The following ELAVL3 variants were observed in gnomAD, a reference collection of about 807,000 sequenced individuals.
ELAVL3 encodes the protein ELAV-like protein 3.
Under a neutral mutation model 34.2 loss-of-function variants are expected in ELAVL3, and 8 were observed. The observed-to-expected ratio is 0.23, with a 90% confidence interval of 0.14 to 0.42. The LOEUF (loss-of-function observed/expected upper bound fraction) is 0.42. Among genes scored for constraint, ELAVL3 ranks in the 10% least tolerant of loss-of-function variants. ELAVL3 has a pLI of 1.00. For synonymous variants in ELAVL3, 209 were observed against 222.1 expected (o/e 0.94, Z 0.53); for missense variants, 273 against 518.8 (o/e 0.53, Z 4.60).
chr19:11,454,434 T>G lies in ELAVL3; in HGVS notation c.*92A>C. 2 of 1,252,236 alleles carry G rather than the reference T, an allele frequency of 1.6e-6. No homozygotes were observed. The highest frequency in any genetic ancestry group is 2.2e-6 in the Non-Finnish European group (2 of 927,742). 77.6% of individuals were successfully genotyped at this position (1,252,236 alleles called of 1,614,324 possible). On this transcript the variant is annotated 3_prime_UTR_variant, in exon 7 of 7. Coordinates refer to ENST00000359227, the MANE Select transcript of ELAVL3 (RefSeq NM_001420.4). This position sits in a 1 kb window ranked among gnomAD's most constrained non-coding sequence, Gnocchi z 9.2. The stretch of plus-strand genomic sequence containing the variant: ...GTCGTCCGTGGGGCTGCCTGTGCTG[T>G]CTCTCTTGGGCCCCTTCTCTCTCTC...
At position 11,480,793 on chromosome 19, in the gene ELAVL3, G is replaced by A; in HGVS notation, c.-185C>T. On this transcript the variant is annotated 5_prime_UTR_variant, in exon 1 of 7. Coordinates refer to ENST00000359227, the MANE Select transcript of ELAVL3 (RefSeq NM_001420.4). The surrounding 1 kb of genome is among the most constrained non-coding windows in gnomAD (Gnocchi z 6.8). Reference sequence around the variant, plus strand: ...GGGACGGGCCCGAACCCGGGGATGCGCGCGCGGATGGCCGGGCCCCGGGGT... The same window carrying A: ...GGGACGGGCCCGAACCCGGGGATGCACGCGCGGATGGCCGGGCCCCGGGGT... The A allele has an allele frequency of 2.2e-6, 1 of 463,328 alleles. No individual in the cohort carries two copies. The highest frequency in any genetic ancestry group is 3.5e-6 in the Non-Finnish European group (1 of 285,848). The allele number at this position is 463,328 out of a possible 1,614,324, so 28.7% of individuals were successfully genotyped here. A position where few individuals can be genotyped will look rare whatever the true frequency, so the allele number is the denominator to read the frequency against.
chr19:11,452,516 GTT>G lies in ELAVL3; in HGVS notation c.*2008_*2009del, dbSNP rs1970671040. ...TTTTTTTTTTAAATCTCTTCTGTGT[GTT>G]TTCTTTTTTTGTTGCTTTTTTTTCC... On this transcript the variant is annotated 3_prime_UTR_variant, in exon 7 of 7. Transcript: ENST00000359227. 7.1e-6 allele frequency: 1 copy of G among 139,974 alleles called. No individual in the cohort carries two copies. The highest frequency in any genetic ancestry group is 2.7e-5 in the African/African-American group (1 of 37,518). 8.7% of individuals were successfully genotyped at this position (139,974 alleles called of 1,614,324 possible).
chr19:11,477,691 A>ATTTTTT (rs963586249), intron 1 of ELAVL3, among the ~76,000 whole-genome samples: 2 of 120,176 alleles, frequency 1.7e-5, no homozygotes, highest in Non-Finnish European at 1.8e-5. Context: ...CTAGATCCCT[A>ATTTTTT]TTTTTTTTTT....
chr19:11,454,463 CT>C lies in ELAVL3; in HGVS notation c.*62del. 7.1e-7 allele frequency: 1 copy of C among 1,404,498 alleles called. No individual in the cohort carries two copies. The highest frequency in any genetic ancestry group is 9.5e-7 in the Non-Finnish European group (1 of 1,054,386). 87.0% of individuals were successfully genotyped at this position (1,404,498 alleles called of 1,614,324 possible). On this transcript the variant is annotated 3_prime_UTR_variant, in exon 7 of 7. Transcript: ENST00000359227. This position sits in a 1 kb window ranked among gnomAD's most constrained non-coding sequence, Gnocchi z 9.2. ...TCTTGGGCCCCTTCTCTCTCTCTCT[CT>C]CTCTTTCTCTCTCTCTCTCTCTGCT... is the stretch of plus-strand genomic sequence containing the variant.
In ELAVL3 at chr19:11,454,783, C is replaced by T. The variant is rs1970731290; in HGVS notation, c.847G>A (p.Gly283Ser). 3.7e-6 allele frequency: 6 copies of T among 1,612,798 alleles called. No individual in the cohort carries two copies. The highest frequency in any genetic ancestry group is 4.2e-6 in the Non-Finnish European group (5 of 1,179,798). Reference protein sequence around the residue: ...VGLSGGAAGAGWCIFVYNLSP... With the variant: ...VGLSGGAAGASWCIFVYNLSP... ...AGGTTGTACACGAAGATGCACCAGC[C>T]GGCGCCCGCCGCGCCCCCCGACAGG... is the stretch of plus-strand genomic sequence containing the variant. The change falls in exon 7 of 7, where the codon GGC becomes AGC. Residue 283 changes from glycine to serine, a missense_variant. Gly to Ser is a moderately conservative substitution (Grantham distance 56). This residue lies in a region of ELAVL3 where 79 missense variants were observed against 108.2 expected (regional missense o/e 0.73). Transcript: ENST00000359227. The surrounding 1 kb of genome is among the most constrained non-coding windows in gnomAD (Gnocchi z 9.2).
chr19:11,465,149 C>T (rs1213665873), intron 3 of ELAVL3, among the ~76,000 whole-genome samples: 2 of 124,976 alleles, frequency 1.6e-5, no homozygotes, highest in East Asian at 4.7e-4. Flanking sequence ...TACACATACA[C>T]ACCACACACA....
At chr19:11,469,289 G>A (rs1477767856) in intron 1 of ELAVL3, among the ~76,000 whole-genome samples, 1 of 150,732 alleles carries the variant, frequency 6.6e-6, no homozygotes, top group Non-Finnish European at 1.5e-5. Flanking sequence ...TTTTTTTTGC[G>A]CGGGAGGGGG....
intron 3 of ELAVL3, among the ~76,000 whole-genome samples, chr19:11,464,675 ACACACACACCCCC>A (rs1296142964): frequency 2.5e-4 from 20 of 80,688 alleles, no homozygotes; most frequent in African/African-American, 5.2e-4. Context: ...TACACACATC[ACACACACACCCCC>A]CACACACATA....
intron 3 of ELAVL3, among the ~76,000 whole-genome samples, chr19:11,465,403 CT>C (rs770089437): frequency 5.3e-5 from 8 of 151,950 alleles, no homozygotes; most frequent in Non-Finnish European, 1.0e-4. Context: ...CACATACACG[CT>C]GCATCTCAAT....
chr19:11,478,636 T>C (rs1444083933), intron 1 of ELAVL3, among the ~76,000 whole-genome samples: 3 of 152,214 alleles, frequency 2.0e-5, no homozygotes, highest in Non-Finnish European at 4.4e-5. Flanking sequence ...TTTCTTCCTC[T>C]GTTTCCCTCT....
Position 11,458,373 on chromosome 19 carries a change from A to G in ELAVL3, c.487+85T>C, listed in dbSNP as rs1970814111. 2 of 1,605,990 alleles carry G rather than the reference A, an allele frequency of 1.2e-6. No individual in the cohort carries two copies. The highest frequency in any genetic ancestry group is 2.7e-5 in the African/African-American group (2 of 74,762). ...TCCCTTCCCTGCTTCATGCCCTGGC[A>G]TCTTGGTCGGTTTCCCCACGTTGGT... is the stretch of plus-strand genomic sequence containing the variant. On this transcript the variant is annotated intron_variant, in intron 4 of 6. Transcript: ENST00000359227. This position sits in a 1 kb window ranked among gnomAD's most constrained non-coding sequence, Gnocchi z 7.3.
chr19:11,464,428 G>T (rs926953283), intron 3 of ELAVL3, among the ~76,000 whole-genome samples: 9 of 151,712 alleles, frequency 5.9e-5, no homozygotes, highest in African/African-American at 2.2e-4. Context: ...CTCCCAAAGT[G>T]CTGGGATTAT....
At chr19:11,460,055 G>A (rs1970851436) in intron 3 of ELAVL3, among the ~76,000 whole-genome samples, 1 of 151,968 alleles carries the variant, frequency 6.6e-6, no homozygotes, top group Non-Finnish European at 1.5e-5. Context: ...GGGTGTCAAG[G>A]GCACTTCATA....
Position 11,454,860 on chromosome 19 carries a change from G to C in ELAVL3, c.770C>G (p.Ala257Gly). Residue 257 changes from alanine to glycine, a missense_variant, in exon 7 of 7, where the codon GCC becomes GGC. Transcript: ENST00000359227. This position sits in a 1 kb window ranked among gnomAD's most constrained non-coding sequence, Gnocchi z 9.2. ...ATCGATGGCGATCGGCGAGAACCTG[G>C]CGATGAGCGACAGGGGACTACTTTG... ...YGVKSPLSLI[A>G]RFSPIAIDGM... The C allele has an allele frequency of 6.2e-7, 1 of 1,600,266 alleles. No homozygotes were observed. Among genetic ancestry groups the C allele is most frequent in the Non-Finnish European group, 8.5e-7 (1 of 1,177,026 alleles).
chr19:11,452,304 G>A lies in ELAVL3; in HGVS notation c.*2222C>T, dbSNP rs1970664323. ...TCGGCAAAACTTAAAGAAACAAAGA[G>A]AACATTGTCGTTCCTTTAACTTGCA... On this transcript the variant is annotated 3_prime_UTR_variant, in exon 7 of 7. Coordinates refer to ENST00000359227, the MANE Select transcript of ELAVL3 (RefSeq NM_001420.4). The A allele has an allele frequency of 6.6e-6, 1 of 152,148 alleles. No individual in the cohort carries two copies. The highest frequency in any genetic ancestry group is 2.1e-4 in the South Asian group (1 of 4,832). 9.4% of individuals were successfully genotyped at this position (152,148 alleles called of 1,614,324 possible).
chr19:11,473,489 T>C (rs1225872241), intron 1 of ELAVL3, among the ~76,000 whole-genome samples: 1 of 152,234 alleles, frequency 6.6e-6, no homozygotes, highest in Non-Finnish European at 1.5e-5. Flanking sequence ...AGCCAGCAGG[T>C]ACATATTATC....
At chr19:11,471,309 C>CA (rs200546282) in intron 1 of ELAVL3, among the ~76,000 whole-genome samples, 21 of 133,042 alleles carry the variant, frequency 1.6e-4, no homozygotes, top group African/African-American at 1.7e-4. Flanking sequence ...GACTCCATCT[C>CA]AAAAAAAAAA....
At chr19:11,472,903 C>T (rs1470862234) in intron 1 of ELAVL3, among the ~76,000 whole-genome samples, 1 of 151,696 alleles carries the variant, frequency 6.6e-6, no homozygotes, top group African/African-American at 2.4e-5. Flanking sequence ...CCCGTCTCTA[C>T]TAAAAATACA....
Position 11,458,600 on chromosome 19 carries a change from G to C in ELAVL3, c.345C>G (p.Ala115=), listed in dbSNP as rs200375563. The part of the protein sequence containing the change: ...LQTKTIKVSY[A]RPSSASIRDA... ...CCCGGATGGATGCTGAACTGGGTCT[G>C]GCATAGGACACCTGGGTGAGGGGGT... The change falls in exon 4 of 7, where the codon GCC becomes GCG. Residue 115 remains alanine, a synonymous_variant. Coordinates refer to ENST00000359227, the MANE Select transcript of ELAVL3 (RefSeq NM_001420.4). The surrounding 1 kb of genome is among the most constrained non-coding windows in gnomAD (Gnocchi z 7.3). 1.2e-6 allele frequency: 2 copies of C among 1,613,858 alleles called. No homozygotes were observed. Among genetic ancestry groups the C allele is most frequent in the African/African-American group, 1.3e-5 (1 of 75,074 alleles).
Sources: allele counts gnomAD v4.1 joint callset (sites outside exome capture counted in the v4.1 genomes callset), GRCh38; gene constraint gnomAD v4.1.1; regional missense constraint gnomAD v4.1.1; non-coding constraint Gnocchi (gnomAD v3.1); transcripts MANE v1.5; gene names NCBI Gene and HGNC (gene_info 2026-07-23, HGNC 2026-07-21).